PARP16: variants seen among roughly 807,000 people sequenced by gnomAD.
PARP16 encodes protein mono-ADP-ribosyltransferase PARP16.
A neutral mutation model predicts 35.0 loss-of-function variants in PARP16; 31 were observed. That is an observed-to-expected ratio of 0.88 (90% CI 0.66 to 1.19). The LOEUF (loss-of-function observed/expected upper bound fraction) is 1.19. Ranked by LOEUF, PARP16 falls within the 50% of genes most tolerant of loss-of-function variation. The probability of loss-of-function intolerance (pLI) is 0.00; values close to 1 mark genes in which losing one functional copy is unlikely to be tolerated. For synonymous variants in PARP16, 162 were observed against 169.5 expected (o/e 0.96, Z 0.34); for missense variants, 424 against 411.2 (o/e 1.03, Z -0.27).
At chr15:65,279,860 T>C (rs868401175) in intron 1 of PARP16, among the ~76,000 whole-genome samples, 3 of 150,824 alleles carry the variant, frequency 2.0e-5, no homozygotes, top group Admixed American at 2.0e-4. Flanking sequence ...TGAGAATCTC[T>C]GAGGATGGGG....
chr15:65,267,678 CTTT>C (rs556058787), intron 2 of PARP16, among the ~76,000 whole-genome samples: 9 of 53,056 alleles, frequency 1.7e-4, no homozygotes, highest in African/African-American at 5.1e-4. Flanking sequence ...ATTTTCCTAA[CTTT>C]TTTTTTTTTT....
intron 3 of PARP16, among the ~76,000 whole-genome samples, chr15:65,266,319 G>A (rs1318561464): frequency 6.6e-6 from 1 of 152,208 alleles, no homozygotes; most frequent in Non-Finnish European, 1.5e-5. Flanking sequence ...GAATCACCTA[G>A]AGATCTTGTT....
At chr15:65,269,699 T>C (rs2090032547) in intron 2 of PARP16, among the ~76,000 whole-genome samples, 1 of 152,176 alleles carries the variant, frequency 6.6e-6, no homozygotes, top group African/African-American at 2.4e-5. Context: ...TTTTATAAAA[T>C]GATGATACAT....
intron 3 of PARP16, among the ~76,000 whole-genome samples, chr15:65,241,329 C>CG (rs537541401): frequency 2.5e-4 from 37 of 148,060 alleles, no homozygotes; most frequent in African/African-American, 8.5e-4. Flanking sequence ...TTAGTAGAGA[C>CG]GGGGTTTCAC....
At chr15:65,275,107 CCT>C (rs1165808287) in intron 1 of PARP16, among the ~76,000 whole-genome samples, 1 of 151,352 alleles carries the variant, frequency 6.6e-6, no homozygotes, top group African/African-American at 2.4e-5. Flanking sequence ...ACAGCGAGAC[CCT>C]GTCTCAAAAA....
intron 4 of PARP16, among the ~76,000 whole-genome samples, chr15:65,261,537 C>T (rs1030889577): frequency 4.6e-5 from 7 of 151,006 alleles, no homozygotes; most frequent in Non-Finnish European, 8.8e-5. Flanking sequence ...CTTACTACAA[C>T]CTCTGCCTCC....
intron 2 of PARP16, among the ~76,000 whole-genome samples, chr15:65,250,106 C>CTTTTTTT (rs1567013240): frequency 9.6e-6 from 1 of 104,194 alleles, no homozygotes; most frequent in African/African-American, 3.8e-5. Context: ...CACCTGCTTG[C>CTTTTTTT]CTTTTTTTTT....
intron 3 of PARP16, among the ~76,000 whole-genome samples, chr15:65,239,365 T>C (rs1432541446): frequency 2.4e-5 from 3 of 127,266 alleles, no homozygotes; most frequent in African/African-American, 9.1e-5. Flanking sequence ...AGGCAGAAGT[T>C]GCAGTGAGCT....
chr15:65,280,407 A>C (rs1160856052), intron 1 of PARP16, among the ~76,000 whole-genome samples: 1 of 151,068 alleles, frequency 6.6e-6, no homozygotes, highest in Non-Finnish European at 1.5e-5. Context: ...ACTGCACTCC[A>C]AACTGGGCAA....
intron 3 of PARP16, among the ~76,000 whole-genome samples, chr15:65,246,582 G>A (rs1439227079): frequency 6.6e-6 from 1 of 152,212 alleles, no homozygotes; most frequent in Non-Finnish European, 1.5e-5. Context: ...TCTGCCCTGT[G>A]GCCTGATCCT....
In PARP16 at chr15:65,244,011, T is replaced by C. The variant is rs183168634; in HGVS notation, c.*97+4106A>G. 1.1e-4 allele frequency among the ~76,000 whole-genome samples: 16 copies of C among 152,214 alleles called. 1 individual carries two copies. In the East Asian group the frequency reaches 3.1e-3, roughly 29 times the overall value. ...CCTTCCCCTCACCATGTTCCAGTAA[T>C]ATGGGTCTTCTGGCTATCCCAAGAG... On this transcript the variant is annotated intron_variant and NMD_transcript_variant, in intron 3 of 3. Coordinates refer to the PARP16 transcript ENST00000559805.
At chr15:65,283,200 G>A (rs2090471463) in intron 1 of PARP16, among the ~76,000 whole-genome samples, 1 of 152,104 alleles carries the variant, frequency 6.6e-6, no homozygotes, top group African/African-American at 2.4e-5. Flanking sequence ...ACTTTGGAAG[G>A]CTGAGGTGGG....
At chr15:65,261,093 G>C in intron 4 of PARP16, 67 bp from the exon 5 acceptor site, 1 of 1,511,230 alleles carries the variant, frequency 6.6e-7, no homozygotes, top group Non-Finnish European at 9.1e-7. Context: ...ATTATAAATA[G>C]AAATAAGTCA....
intron 3 of PARP16, among the ~76,000 whole-genome samples, chr15:65,235,739 C>G (rs184466021): frequency 6.7e-6 from 1 of 149,788 alleles, no homozygotes; most frequent in Non-Finnish European, 1.5e-5. Flanking sequence ...AGCCTGGAGT[C>G]GAGGGGGCAG....
intron 1 of PARP16, among the ~76,000 whole-genome samples, chr15:65,279,663 G>A (rs1449578598): frequency 2.0e-5 from 3 of 152,200 alleles, no homozygotes; most frequent in Admixed American, 1.3e-4. Flanking sequence ...GAGATATCAA[G>A]TATAGACCTA....
intron 3 of PARP16, among the ~76,000 whole-genome samples, chr15:65,244,525 C>G (rs1192630463): frequency 6.6e-6 from 1 of 152,170 alleles, no homozygotes; most frequent in African/African-American, 2.4e-5. Context: ...GTCATGAGAG[C>G]AGCACGGGAA....
chr15:65,251,250 A>G (rs2089350603), intron 2 of PARP16, among the ~76,000 whole-genome samples: 1 of 152,140 alleles, frequency 6.6e-6, no homozygotes, highest in Admixed American at 6.5e-5. Flanking sequence ...AGGACAGTCA[A>G]ACTTCATCAA....
At chr15:65,254,801 C>A (rs935282570), downstream of PARP16, among the ~76,000 whole-genome samples, 2 of 152,162 alleles carry the variant, frequency 1.3e-5, no homozygotes, top group African/African-American at 4.8e-5. Flanking sequence ...CTCCACCCCT[C>A]TCCTGGTTTT....
At chr15:65,240,942 C>T (rs948796702) in intron 3 of PARP16, among the ~76,000 whole-genome samples, 1 of 151,492 alleles carries the variant, frequency 6.6e-6, no homozygotes, top group African/African-American at 2.4e-5. Flanking sequence ...AAGCAATTCT[C>T]GTGCCTCAGC....
Sources: allele counts gnomAD v4.1 joint callset (sites outside exome capture counted in the v4.1 genomes callset), GRCh38; gene constraint gnomAD v4.1.1; transcripts MANE v1.5; gene names NCBI Gene and HGNC (gene_info 2026-07-23, HGNC 2026-07-21).